The following TAF1 variants were observed in gnomAD, a reference collection of about 807,000 sequenced individuals.
The protein encoded by TAF1 is TATA-box binding protein associated factor 1.
TAF1 carries 2 observed loss-of-function variants against 138.5 expected under a neutral mutation model. The observed-to-expected ratio is 0.01, with a 90% CI of 0.01 to 0.05. The LOEUF is 0.05. Among genes scored for constraint, TAF1 ranks in the 10% least tolerant of loss-of-function variants. The pLI is 1.00. For synonymous variants in TAF1, 437 were observed against 503.2 expected (o/e 0.87, Z 1.76); for missense variants, 709 against 1,478.0 (o/e 0.48, Z 8.53).
At chrX:71,460,890 A>G (rs762485827) in intron 37 of TAF1, 87 bp downstream of exon 37, 10 of 1,130,203 alleles carry the variant, frequency 8.8e-6, no homozygotes, top group Non-Finnish European at 1.2e-5. Flanking sequence ...CTTTTCATCC[A>G]TCAAACATTT....
Position 71,383,890 on chromosome X carries a change from A to T in TAF1, c.1948-72A>T, listed in dbSNP as rs934745528. 14 of 1,076,917 alleles carry T rather than the reference A, an allele frequency of 1.3e-5. No individual in the cohort carries two copies. In the African/African-American group the frequency reaches 2.7e-4, roughly 20 times the overall value. 88.8% of individuals were successfully genotyped at this position (1,076,917 alleles called of 1,213,427 possible). On this transcript the variant is annotated intron_variant, in intron 12 of 37. Coordinates refer to ENST00000423759, the MANE Select transcript of TAF1 (RefSeq NM_004606.5). ...AAAATGTTTTTGGTGTGTTTGTCTC[A>T]GATTGAACAACGTCATTGTGTGTAG...
At chrX:71,468,492 C>A (rs1010849955), downstream of TAF1, among the ~76,000 whole-genome samples, 5 of 108,138 alleles carry the variant, frequency 4.6e-5, no homozygotes, top group Non-Finnish European at 7.7e-5. Flanking sequence ...TTGAGACCAG[C>A]CTGGCCAACA....
rs766697087 is a variant in TAF1, at chrX:71,377,505, A to G, written c.715-98A>G. The G allele has an allele frequency of 3.0e-6, 3 of 999,797 alleles. No individual in the cohort carries two copies. In the Admixed American group the frequency reaches 1.1e-4, roughly 35 times the overall value. The allele number at this position is 999,797 out of a possible 1,213,427, so 82.4% of individuals were successfully genotyped here. A position where few individuals can be genotyped will look rare whatever the true frequency, so the allele number is the denominator to read the frequency against. Reference sequence around the variant, plus strand: ...CGACACTCCTTTGTTTCTCCCCCACATTTGAAGAGATCTCTCAAGGGAGTT... The same window carrying G: ...CGACACTCCTTTGTTTCTCCCCCACGTTTGAAGAGATCTCTCAAGGGAGTT... On this transcript the variant is annotated intron_variant, in intron 5 of 37. Transcript: ENST00000423759.
chrX:71,480,988 G>C (rs1203038892), intron 13 of TAF1, among the ~76,000 whole-genome samples: 3 of 112,302 alleles, frequency 2.7e-5, no homozygotes, highest in Non-Finnish European at 5.6e-5. Flanking sequence ...TTAGAGAAGG[G>C]ACAGGATGGG....
intron 13 of TAF1, among the ~76,000 whole-genome samples, chrX:71,472,108 A>C (rs1376457398): frequency 9.0e-6 from 1 of 111,228 alleles, no homozygotes; most frequent in East Asian, 2.8e-4. Context: ...TCCTGCCTCA[A>C]CCTCAGCCTC....
intron 29 of TAF1, 52 bp downstream of exon 29, chrX:71,421,428 G>T: frequency 4.7e-6 from 2 of 429,762 alleles, no homozygotes; most frequent in Non-Finnish European, 8.6e-6. Flanking sequence ...GTGGGGGTGG[G>T]ATATCAGGGT....
At chrX:71,513,800 G>A (rs1414466099) in intron 13 of TAF1, among the ~76,000 whole-genome samples, 1 of 111,278 alleles carries the variant, frequency 9.0e-6, no homozygotes, top group Non-Finnish European at 1.9e-5. Flanking sequence ...TGGGTTGAGT[G>A]GGGACTTGGA....
intron 3 of TAF1, among the ~76,000 whole-genome samples, chrX:71,373,525 G>A (rs1244833570): frequency 8.9e-6 from 1 of 111,752 alleles, no homozygotes; most frequent in Non-Finnish European, 1.9e-5. Flanking sequence ...TTATGAGATT[G>A]ATGAAGGAGA....
intron 14 of TAF1, chrX:71,386,972 C>G: frequency 3.5e-6 from 1 of 284,086 alleles, no homozygotes; most frequent in African/African-American, 2.7e-5. Flanking sequence ...TAAACTTAGA[C>G]ATGTTAAATA....
chrX:71,367,893 A>C lies in TAF1; in HGVS notation c.236-161A>C, dbSNP rs188060344. Among the ~76,000 whole-genome samples the C allele has an allele frequency of 9.1e-5, 10 of 110,430 alleles. No homozygotes were observed. In the East Asian group the frequency reaches 2.8e-3, roughly 31 times the overall value. On this transcript the variant is annotated intron_variant, in intron 2 of 37. Coordinates refer to ENST00000423759, the MANE Select transcript of TAF1 (RefSeq NM_004606.5). The stretch of plus-strand genomic sequence containing the variant: ...ATCATATTGGTCAGACTGGTCTTGA[A>C]CTCCTGGCCTGAGGTGATCCGTCTG...
intron 13 of TAF1, among the ~76,000 whole-genome samples, chrX:71,487,152 A>G (rs1401036500): frequency 9.5e-6 from 1 of 105,405 alleles, no homozygotes; most frequent in Admixed American, 1.0e-4. Context: ...TCACATGTAT[A>G]GAAGGCTGCT....
At chrX:71,483,774 C>CTATATATATA (rs1214664557) in intron 13 of TAF1, among the ~76,000 whole-genome samples, 2 of 70,433 alleles carry the variant, frequency 2.8e-5, no homozygotes, top group Admixed American at 1.5e-4. Context: ...CTCTCTCTCT[C>CTATATATATA]TCTCTCTATA....
chrX:71,396,284 G>A (rs987034746), intron 22 of TAF1, among the ~76,000 whole-genome samples: 1 of 105,586 alleles, frequency 9.5e-6, no homozygotes, highest in Non-Finnish European at 1.9e-5. Context: ...CCCGAGTTGC[G>A]TGCTTGGGTA....
intron 13 of TAF1, among the ~76,000 whole-genome samples, chrX:71,489,274 G>T (rs1235498222): frequency 9.0e-6 from 1 of 110,976 alleles, no homozygotes; most frequent in Non-Finnish European, 1.9e-5. Context: ...TGATACTGGG[G>T]TTTAAGATGT....
intron 13 of TAF1, among the ~76,000 whole-genome samples, chrX:71,511,252 T>G (rs895652531): frequency 8.9e-6 from 1 of 112,384 alleles, no homozygotes; most frequent in African/African-American, 3.2e-5. Flanking sequence ...TTTGTCTAGC[T>G]AATTGCCCTG....
At chrX:71,424,816 G>C (rs1455183829) in intron 32 of TAF1, among the ~76,000 whole-genome samples, 1 of 110,955 alleles carries the variant, frequency 9.0e-6, no homozygotes, top group African/African-American at 3.3e-5. Flanking sequence ...GTAGAAACGG[G>C]GTTTCACTAT....
intron 28 of TAF1, among the ~76,000 whole-genome samples, chrX:71,412,122 GTT>G (rs749385611): frequency 1.3e-4 from 12 of 89,197 alleles, no homozygotes; most frequent in Admixed American, 3.8e-4. Context: ...TTCATTCCTG[GTT>G]TTTTTTTTTT....
intron 13 of TAF1, among the ~76,000 whole-genome samples, chrX:71,503,316 ATATATG>A (rs2039553519): frequency 1.1e-5 from 1 of 92,716 alleles, no homozygotes; most frequent in East Asian, 3.0e-4. Context: ...ATATATATAT[ATATATG>A]TGTGTGTATA....
At chrX:71,412,115 A>C (rs1602587454) in intron 28 of TAF1, among the ~76,000 whole-genome samples, 1 of 101,433 alleles carries the variant, frequency 9.9e-6, no homozygotes, top group African/African-American at 3.6e-5. Context: ...TCAGTACTTC[A>C]TTCCTGGTTT....
Sources: gnomAD v4.1 joint callset for allele counts (sites outside exome capture counted in the v4.1 genomes callset) on GRCh38, gnomAD v4.1.1 for gene constraint, MANE v1.5 for transcripts, NCBI Gene and HGNC (gene_info 2026-07-23, HGNC 2026-07-21) for gene names.